Variants in BMPR1A observed in about 807,000 individuals in gnomAD.
The protein encoded by BMPR1A is bone morphogenetic protein receptor type-1A.
BMPR1A carries 7 observed loss-of-function variants against 66.0 expected under a neutral mutation model. The observed-to-expected ratio is 0.11, with a 90% CI of 0.06 to 0.20. BMPR1A has a LOEUF of 0.20. Ranked by LOEUF, BMPR1A falls within the 10% of genes least tolerant of loss-of-function variation. The pLI is 1.00. For synonymous variants in BMPR1A, 200 were observed against 229.7 expected (o/e 0.87, Z 1.17); for missense variants, 408 against 669.1 (o/e 0.61, Z 4.31).
chr10:86,858,968 G>A (rs1014469855), intron 2 of BMPR1A, among the ~76,000 whole-genome samples: 6 of 152,064 alleles, frequency 3.9e-5, no homozygotes, highest in South Asian at 4.2e-4. Flanking sequence ...ATGCCAAAGC[G>A]GTTCTGAGCC....
chr10:86,900,863 C>T (rs1015481982), intron 7 of BMPR1A, among the ~76,000 whole-genome samples: 1 of 152,214 alleles, frequency 6.6e-6, no homozygotes, highest in Non-Finnish European at 1.5e-5. Flanking sequence ...GAGAGGAGAG[C>T]TCCACATCTG....
chr10:86,789,034 G>T (rs1019409955), intron 1 of BMPR1A, among the ~76,000 whole-genome samples: 2 of 152,166 alleles, frequency 1.3e-5, no homozygotes, highest in Admixed American at 1.3e-4. Context: ...GATGAAAAGG[G>T]TGTCAGGACA....
chr10:86,876,830 A>G (rs573526998), intron 3 of BMPR1A, among the ~76,000 whole-genome samples: 1 of 152,294 alleles, frequency 6.6e-6, no homozygotes, highest in African/African-American at 2.4e-5. Context: ...AAGATAACTG[A>G]CACTTGTCTG....
intron 2 of BMPR1A, among the ~76,000 whole-genome samples, chr10:86,844,366 C>T (rs1842458362): frequency 6.6e-6 from 1 of 152,132 alleles, no homozygotes; most frequent in Non-Finnish European, 1.5e-5. Context: ...AGGTATAATT[C>T]AGACACCATT....
intron 1 of BMPR1A, among the ~76,000 whole-genome samples, chr10:86,763,250 T>C (rs1468071841): frequency 6.6e-6 from 1 of 152,134 alleles, no homozygotes; most frequent in Non-Finnish European, 1.5e-5. Flanking sequence ...TTAAAGGCAA[T>C]ACATCTATTG....
At chr10:86,895,187 C>T (rs547149760) in intron 5 of BMPR1A, among the ~76,000 whole-genome samples, 22 of 152,278 alleles carry the variant, frequency 1.4e-4, no homozygotes, top group East Asian at 1.4e-3. Context: ...AAATAATTTT[C>T]GATGATAGGA....
chr10:86,787,149 C>T (rs7900751), intron 1 of BMPR1A, among the ~76,000 whole-genome samples: 4 of 151,668 alleles, frequency 2.6e-5, no homozygotes, highest in African/African-American at 7.3e-5. Context: ...TTATAAAGTA[C>T]AATCAATGAT....
chr10:86,884,492 C>T (rs1371138335), intron 3 of BMPR1A, among the ~76,000 whole-genome samples: 1 of 134,518 alleles, frequency 7.4e-6, no homozygotes, highest in Non-Finnish European at 1.6e-5. Flanking sequence ...TGTCTCACTA[C>T]ATCCTCCACC....
At chr10:86,823,348 C>A (rs1842146625) in intron 1 of BMPR1A, among the ~76,000 whole-genome samples, 1 of 152,204 alleles carries the variant, frequency 6.6e-6, no homozygotes, top group Admixed American at 6.5e-5. Context: ...AAGTGCCATA[C>A]CTATATTAAC....
At chr10:86,876,968 A>G (rs1200726556) in intron 3 of BMPR1A, among the ~76,000 whole-genome samples, 2 of 152,344 alleles carry the variant, frequency 1.3e-5, no homozygotes, top group Non-Finnish European at 2.9e-5. Flanking sequence ...TCTTAGGACC[A>G]GATGGCCTGT....
chr10:86,830,884 C>T (rs1442300022), intron 1 of BMPR1A, among the ~76,000 whole-genome samples: 1 of 151,550 alleles, frequency 6.6e-6, no homozygotes, highest in Non-Finnish European at 1.5e-5. Context: ...TGGTGTCATT[C>T]CCCATTCCCC....
chr10:86,779,309 C>G (rs1160214230), intron 1 of BMPR1A, among the ~76,000 whole-genome samples: 1 of 152,184 alleles, frequency 6.6e-6, no homozygotes. Flanking sequence ...TGAGGAAACT[C>G]TGTACTGTTC....
chr10:86,791,029 C>G (rs1260434998), intron 1 of BMPR1A, among the ~76,000 whole-genome samples: 1 of 152,140 alleles, frequency 6.6e-6, no homozygotes, highest in African/African-American at 2.4e-5. Context: ...ATTGAAGGAT[C>G]AATTCCAATA....
At chr10:86,756,363 C>G (rs1327788598), upstream of BMPR1A, 1 of 152,082 alleles carries the variant, frequency 6.6e-6, no homozygotes, top group Admixed American at 6.5e-5. Context: ...CCCGCCCGCA[C>G]CAGCAGCTCG....
chr10:86,825,826 A>G (rs1293906930), intron 1 of BMPR1A, among the ~76,000 whole-genome samples: 1 of 152,184 alleles, frequency 6.6e-6, no homozygotes, highest in African/African-American at 2.4e-5. Flanking sequence ...TTTTAAAATT[A>G]CTGATGGAGG....
intron 1 of BMPR1A, among the ~76,000 whole-genome samples, chr10:86,815,897 T>G (rs984686590): frequency 6.6e-6 from 1 of 152,226 alleles, no homozygotes; most frequent in African/African-American, 2.4e-5. Context: ...TACTTCTGAG[T>G]TGGCATAGTG....
intron 1 of BMPR1A, among the ~76,000 whole-genome samples, chr10:86,826,440 A>C (rs962920342): frequency 2.0e-5 from 3 of 151,030 alleles, no homozygotes; most frequent in African/African-American, 4.9e-5. Flanking sequence ...ACACACACAC[A>C]CCCGCTTTTG....
At chr10:86,813,010 G>A (rs1841991424) in intron 1 of BMPR1A, among the ~76,000 whole-genome samples, 1 of 152,066 alleles carries the variant, frequency 6.6e-6, no homozygotes, top group Non-Finnish European at 1.5e-5. Flanking sequence ...TCTTTTTACT[G>A]TCTTCATAGT....
Position 86,919,590 on chromosome 10 carries a change from A to G in BMPR1A, c.1166+121A>G, listed in dbSNP as rs1220629197. ...CATATGCTTGTTTTTAGTTACATAA[A>G]TGTATAGTTGGGGGGGATTTTGTTC... On this transcript the variant is annotated intron_variant, in intron 10 of 12. Coordinates refer to ENST00000372037, the MANE Select transcript of BMPR1A (RefSeq NM_004329.3). The G allele has an allele frequency of 9.0e-6, 12 of 1,330,272 alleles. No individual in the cohort carries two copies. In the African/African-American group the frequency reaches 1.5e-4, roughly 16 times the overall value. 82.4% of individuals were successfully genotyped at this position (1,330,272 alleles called of 1,614,324 possible). A position where few individuals can be genotyped will look rare whatever the true frequency, so the allele number is the denominator to read the frequency against.
Sources: allele counts gnomAD v4.1 joint callset (sites outside exome capture counted in the v4.1 genomes callset), GRCh38; gene constraint gnomAD v4.1.1; transcripts MANE v1.5; gene names NCBI Gene and HGNC (gene_info 2026-07-23, HGNC 2026-07-21).